SLC30A8: variants seen among roughly 807,000 people sequenced by gnomAD.
SLC30A8 encodes proton-coupled zinc antiporter SLC30A8.
In SLC30A8, 27 loss-of-function variants were observed where a neutral mutation model predicts 36.9. That is an observed-to-expected ratio of 0.73 (90% confidence interval 0.54 to 1.01). The LOEUF is 1.01. Among genes scored for constraint, SLC30A8 ranks in the 50% least tolerant of loss-of-function variants. The pLI, the probability that SLC30A8 is intolerant of heterozygous loss-of-function variation, is 0.00. For missense variants in SLC30A8, 439 were observed against 452.0 expected, an observed-to-expected ratio of 0.97 and a Z score of 0.26; for synonymous variants, 164 against 172.4, an observed-to-expected ratio of 0.95 and a Z score of 0.38.
At chr8:117,014,524 G>C (rs918072431) in intron 1 of SLC30A8, among the ~76,000 whole-genome samples, 1 of 152,142 alleles carries the variant, frequency 6.6e-6, no homozygotes, top group Non-Finnish European at 1.5e-5. Context: ...ATTTAGATCT[G>C]AAAAATATAG....
chr8:117,060,452 A>C (rs182536884), intron 2 of SLC30A8, among the ~76,000 whole-genome samples: 15 of 152,202 alleles, frequency 9.9e-5, no homozygotes, highest in African/African-American at 3.4e-4. Context: ...TGGCAGTAAA[A>C]ACCCCACTGC....
At position 117,064,726 on chromosome 8, in the gene SLC30A8, A is replaced by G. The variant is rs115168708; in HGVS notation, c.-226+25468A>G. 6.5e-3 allele frequency among the ~76,000 whole-genome samples: 992 copies of G among 152,348 alleles called. 16 individuals carry two copies. The highest frequency in any genetic ancestry group is 0.023 in the African/African-American group (939 of 41,588). On this transcript the variant is annotated intron_variant, in intron 2 of 10. Coordinates refer to the SLC30A8 transcript ENST00000427715. ...CACAAGGACCTATGTGTGGGAAAAT[A>G]AATGAGACTTTCTCTGCGCCAGGAG...
intron 6 of SLC30A8, among the ~76,000 whole-genome samples, chr8:117,167,396 T>C (rs1425912629): frequency 1.3e-5 from 2 of 152,046 alleles, no homozygotes; most frequent in Non-Finnish European, 2.9e-5. Flanking sequence ...TATAATTCCG[T>C]CTTTGACTTC....
chr8:117,026,062 G>T (rs181681963), intron 1 of SLC30A8, among the ~76,000 whole-genome samples: 4 of 152,284 alleles, frequency 2.6e-5, no homozygotes, highest in Admixed American at 2.0e-4. Flanking sequence ...GGAGATGCAG[G>T]GGGGAGAAAA....
intron 1 of SLC30A8, among the ~76,000 whole-genome samples, chr8:117,014,316 A>G (rs1253328452): frequency 6.6e-6 from 1 of 152,186 alleles, no homozygotes; most frequent in Non-Finnish European, 1.5e-5. Context: ...TGTGGCTGAG[A>G]GTAACAAGGG....
intron 2 of SLC30A8, among the ~76,000 whole-genome samples, chr8:117,069,817 G>T (rs1028499177): frequency 1.3e-5 from 2 of 152,190 alleles, no homozygotes; most frequent in African/African-American, 4.8e-5. Flanking sequence ...TTTACCCAGG[G>T]GTGGGCGGGC....
chr8:117,007,688 C>A (rs986465608), intron 1 of SLC30A8, among the ~76,000 whole-genome samples: 2 of 152,158 alleles, frequency 1.3e-5, no homozygotes, highest in African/African-American at 4.8e-5. Flanking sequence ...CACAACAACT[C>A]TGCTGGATAC....
Position 116,983,181 on chromosome 8 carries a change from A to G in SLC30A8, c.-266+32062A>G, listed in dbSNP as rs541369898. Among the ~76,000 whole-genome samples the G allele has an allele frequency of 2.0e-5, 3 of 152,248 alleles. No homozygotes were observed. The South Asian group carries it at 6.2e-4, about 32-fold the overall frequency. On this transcript the variant is annotated intron_variant, in intron 1 of 10. Coordinates refer to the SLC30A8 transcript ENST00000427715. ...TAAAACCATGTATTGAGATTGTCAA[A>G]TTAATCTTGAGTAATAAAAATTAAG...
At chr8:117,166,326 C>A (rs1360615175) in intron 6 of SLC30A8, among the ~76,000 whole-genome samples, 1 of 152,096 alleles carries the variant, frequency 6.6e-6, no homozygotes, top group Non-Finnish European at 1.5e-5. Flanking sequence ...ATTATATTTA[C>A]AAGGTGATTT....
At chr8:117,005,762 C>T (rs768505653) in intron 1 of SLC30A8, among the ~76,000 whole-genome samples, 1 of 152,164 alleles carries the variant, frequency 6.6e-6, no homozygotes, top group Non-Finnish European at 1.5e-5. Context: ...CTGACTTTGA[C>T]AGATCCTCAT....
intron 2 of SLC30A8, among the ~76,000 whole-genome samples, chr8:117,149,857 G>C (rs1563627882): frequency 6.6e-6 from 1 of 152,148 alleles, no homozygotes. Flanking sequence ...GCTGGAGTCT[G>C]TCCCAGCAGC....
At chr8:117,041,886 C>T (rs1202051195) in intron 2 of SLC30A8, among the ~76,000 whole-genome samples, 1 of 152,094 alleles carries the variant, frequency 6.6e-6, no homozygotes, top group East Asian at 1.9e-4. Flanking sequence ...TCGGTGTTTT[C>T]ATTTGGGCAG....
At chr8:117,091,314 T>C (rs1819115079) in intron 2 of SLC30A8, among the ~76,000 whole-genome samples, 1 of 152,150 alleles carries the variant, frequency 6.6e-6, no homozygotes, top group African/African-American at 2.4e-5. Flanking sequence ...AAGTGTGTAA[T>C]TTTGTACACA....
chr8:117,056,117 G>C (rs1817862669), intron 2 of SLC30A8: 3 of 152,292 alleles, frequency 2.0e-5, no homozygotes, highest in Non-Finnish European at 4.4e-5. Flanking sequence ...CTCCAGTAAA[G>C]ATGGTTGATG....
At chr8:117,075,152 A>G (rs995442192) in intron 2 of SLC30A8, among the ~76,000 whole-genome samples, 1 of 152,154 alleles carries the variant, frequency 6.6e-6, no homozygotes, top group African/African-American at 2.4e-5. Flanking sequence ...TTCCTATAAC[A>G]AAAAAATAGT....
At chr8:117,133,241 G>A (rs1309579686), upstream of SLC30A8, among the ~76,000 whole-genome samples, 2 of 151,780 alleles carry the variant, frequency 1.3e-5, no homozygotes, top group Non-Finnish European at 2.9e-5. Flanking sequence ...ATTTTTTGTT[G>A]TTTTGCTTGG....
chr8:116,978,962 C>T (rs1252655651), intron 1 of SLC30A8, among the ~76,000 whole-genome samples: 1 of 149,568 alleles, frequency 6.7e-6, no homozygotes, highest in Non-Finnish European at 1.5e-5. Flanking sequence ...GGAGGCCGGG[C>T]ACAGTAGCTC....
intron 2 of SLC30A8, among the ~76,000 whole-genome samples, chr8:117,043,825 A>G (rs1228884619): frequency 6.6e-6 from 1 of 152,260 alleles, no homozygotes; most frequent in Non-Finnish European, 1.5e-5. Context: ...TAGAATTCAT[A>G]GTTACATTAT....
intron 5 of SLC30A8, among the ~76,000 whole-genome samples, chr8:117,162,273 A>T (rs1368224873): frequency 6.6e-6 from 1 of 151,628 alleles, no homozygotes; most frequent in Non-Finnish European, 1.5e-5. Flanking sequence ...GTCTCAACAA[A>T]TTTTTTTTTC....
Sources: gnomAD v4.1 joint callset for allele counts (sites outside exome capture counted in the v4.1 genomes callset) on GRCh38, gnomAD v4.1.1 for gene constraint, MANE v1.5 for transcripts, NCBI Gene and HGNC (gene_info 2026-07-23, HGNC 2026-07-21) for gene names.